Variants in PARL observed in about 807,000 individuals in gnomAD.
The protein encoded by PARL is presenilin associated rhomboid like, also known as presenilin-associated rhomboid-like protein, mitochondrial.
PARL carries 44 observed loss-of-function variants against 51.6 expected under a neutral mutation model. That is an observed-to-expected ratio of 0.85 (90% CI 0.67 to 1.10). PARL has a LOEUF of 1.10. PARL is among the 50% of genes least tolerant of loss of function. The probability of loss-of-function intolerance (pLI) is 0.00; values close to 1 mark genes in which losing one functional copy is unlikely to be tolerated. For synonymous variants in PARL, 172 were observed against 164.0 expected, an observed-to-expected ratio of 1.05 and a Z score of -0.37; for missense variants, 441 against 469.5, an observed-to-expected ratio of 0.94 and a Z score of 0.56.
chr3:183,833,498 A>G lies in PARL; in HGVS notation c.1022T>C (p.Phe341Ser). The G allele has an allele frequency of 1.2e-6, 2 of 1,604,522 alleles. No individual in the cohort carries two copies. Among genetic ancestry groups the G allele is most frequent in the Non-Finnish European group, 1.7e-6 (2 of 1,171,266 alleles). ...CAATTACACTCAAACTTACATTCCA[A>G]AAAGAGCTCCCCCAAGATGTGCCGC... is the stretch of plus-strand genomic sequence containing the variant. The part of the protein sequence containing the change: ...DHAAHLGGAL[F>S]GIWYVTYGHE... The change falls in exon 9 of 10, where the codon TTT (phenylalanine) becomes TCT (serine). Residue 341 changes from phenylalanine to serine, a missense_variant. Physicochemically the swap from Phe to Ser is radical, Grantham distance 155. Transcript: ENST00000317096.
Position 183,878,559 on chromosome 3 carries a change from A to G in PARL, c.125+6163T>C, listed in dbSNP as rs142752452. Among the ~76,000 whole-genome samples, 410 of 152,286 alleles carry G rather than the reference A, an allele frequency of 2.7e-3. 8 individuals carry two copies. The highest frequency in any genetic ancestry group is 0.023 in the Admixed American group (356 of 15,284). On this transcript the variant is annotated intron_variant, in intron 1 of 9. Transcript: ENST00000317096. ...AAGTCCTACACCATGGCTCTACCTC[A>G]TAACAAATGAGAATGTCTAGGAGTG...
chr3:183,828,481 C>T (rs1161740084), downstream of PARL, among the ~76,000 whole-genome samples: 1 of 152,156 alleles, frequency 6.6e-6, no homozygotes, highest in Non-Finnish European at 1.5e-5. Context: ...AGAAGTGATA[C>T]GAGTTTAGAA....
Position 183,868,163 on chromosome 3 carries a change from TCA to T in PARL, c.126-105_126-104del, listed in dbSNP as rs1286406199. On this transcript the variant is annotated intron_variant, in intron 1 of 9. Transcript: ENST00000317096. Reference sequence around the variant, plus strand: ...GCATCATCACCATCTCAATTTATTCTCACTCTACAGTCCAAAAACAGCCAAGA... The same window carrying T: ...GCATCATCACCATCTCAATTTATTCTCTCTACAGTCCAAAAACAGCCAAGA... 3.5e-6 allele frequency: 3 copies of T among 846,364 alleles called. No homozygotes were observed. The Admixed American group carries it at 5.8e-5, about 16-fold the overall frequency. 52.4% of individuals were successfully genotyped at this position (846,364 alleles called of 1,614,324 possible). A position where few individuals can be genotyped will look rare whatever the true frequency, so the allele number is the denominator to read the frequency against.
rs1055778837 is a variant in PARL, at chr3:183,829,435, C to T, written c.*163G>A. 2 of 1,581,422 alleles carry T rather than the reference C, an allele frequency of 1.3e-6. No homozygotes were observed. Among genetic ancestry groups the T allele is most frequent in the Admixed American group, 1.8e-5 (1 of 56,550 alleles). On this transcript the variant is annotated 3_prime_UTR_variant, in exon 10 of 10. Transcript: ENST00000317096. Reference sequence around the variant, plus strand: ...TTTATTTCACAACTTTATCATCATTCACATTCTAAAAAGACACGGACTGGG... The same window carrying T: ...TTTATTTCACAACTTTATCATCATTTACATTCTAAAAAGACACGGACTGGG...
At chr3:183,856,953 A>T (rs1412121410) in intron 4 of PARL, among the ~76,000 whole-genome samples, 1 of 152,272 alleles carries the variant, frequency 6.6e-6, no homozygotes, top group Non-Finnish European at 1.5e-5. Context: ...TCTATATATA[A>T]GGCATTTCAC....
At chr3:183,855,087 C>T (rs745527363) in intron 4 of PARL, among the ~76,000 whole-genome samples, 5 of 151,872 alleles carry the variant, frequency 3.3e-5, no homozygotes, top group Non-Finnish European at 2.9e-5. Context: ...TATGAAATCT[C>T]CAGAAGAGGA....
chr3:183,837,971 G>A (rs1728830662), intron 7 of PARL, among the ~76,000 whole-genome samples: 1 of 151,776 alleles, frequency 6.6e-6, no homozygotes, highest in African/African-American at 2.4e-5. Flanking sequence ...AAATTATCCA[G>A]GATAGTACCA....
intron 9 of PARL, among the ~76,000 whole-genome samples, chr3:183,830,191 C>T (rs1242429159): frequency 6.6e-6 from 1 of 152,226 alleles, no homozygotes; most frequent in East Asian, 1.9e-4. Flanking sequence ...GGGTGGCCCG[C>T]TCATCCAAAC....
chr3:183,881,266 C>T lies in PARL; in HGVS notation c.125+3456G>A, dbSNP rs1381151770. On this transcript the variant is annotated intron_variant, in intron 1 of 9. Transcript: ENST00000317096. ...CCCCCCGAGTAGCTGGGATTACAGG[C>T]CCCTGCCACCGTGCCTGGCTAATTT... Among the ~76,000 whole-genome samples, 5 of 152,168 alleles carry T rather than the reference C, an allele frequency of 3.3e-5. No individual in the cohort carries two copies. The East Asian group carries it at 9.7e-4, about 29-fold the overall frequency.
chr3:183,852,147 ACT>A (rs1730618873), intron 4 of PARL, among the ~76,000 whole-genome samples: 1 of 152,092 alleles, frequency 6.6e-6, no homozygotes. Flanking sequence ...ACAGAGCGAG[ACT>A]CTGTCTCAAA....
chr3:183,866,777 T>C lies in PARL; in HGVS notation c.322-12A>G, dbSNP rs1732533370. ...GCACAGCCTGTAAACTATATAAAAT[T>C]AGATATATTACAAAATAGATTTAAG... On this transcript the variant is annotated splice_polypyrimidine_tract_variant and intron_variant, in intron 2 of 9. Coordinates refer to ENST00000317096, the MANE Select transcript of PARL (RefSeq NM_018622.7). 1.3e-6 allele frequency: 2 copies of C among 1,551,470 alleles called. No homozygotes were observed. The highest frequency in any genetic ancestry group is 1.8e-6 in the Non-Finnish European group (2 of 1,124,620).
intron 5 of PARL, among the ~76,000 whole-genome samples, chr3:183,842,650 A>G (rs1729464046): frequency 6.6e-6 from 1 of 151,742 alleles, no homozygotes; most frequent in African/African-American, 2.4e-5. Context: ...TCTATTAAAA[A>G]TATAAAAATT....
intron 7 of PARL, among the ~76,000 whole-genome samples, chr3:183,839,050 C>T (rs147795263): frequency 3.9e-5 from 6 of 151,906 alleles, no homozygotes; most frequent in African/African-American, 7.3e-5. Flanking sequence ...CAATATGATT[C>T]GAAATATATA....
chr3:183,827,015 G>A (rs1054778911), downstream of PARL, among the ~76,000 whole-genome samples: 1 of 152,184 alleles, frequency 6.6e-6, no homozygotes, highest in Non-Finnish European at 1.5e-5. Flanking sequence ...GCATGAGAGG[G>A]AGGCAGGCTG....
chr3:183,827,749 CG>C (rs146611563), downstream of PARL, among the ~76,000 whole-genome samples: 6 of 151,830 alleles, frequency 4.0e-5, no homozygotes, highest in Admixed American at 2.6e-4. Flanking sequence ...CTGTGCAGGG[CG>C]GGGGGGTGGT....
At chr3:183,861,859 T>C (rs1731870829) in intron 4 of PARL, among the ~76,000 whole-genome samples, 1 of 152,180 alleles carries the variant, frequency 6.6e-6, no homozygotes, top group Non-Finnish European at 1.5e-5. Context: ...CACTGCAACC[T>C]CTGCCTCCCA....
chr3:183,867,570 AG>A (rs1431498044), intron 2 of PARL, among the ~76,000 whole-genome samples: 2 of 151,982 alleles, frequency 1.3e-5, no homozygotes, highest in African/African-American at 4.8e-5. Context: ...CGTGGTGGCC[AG>A]TGCCTACAGT....
At chr3:183,842,839 C>CAAATT (rs113722749) in intron 5 of PARL, among the ~76,000 whole-genome samples, 84,385 of 121,884 alleles carry the variant, frequency 0.69, 29,708 homozygotes, top group East Asian at 0.87. Flanking sequence ...ATTTATGAAA[C>CAAATT]AAACATGGAA....
chr3:183,844,440 G>C, intron 4 of PARL, 114 bp from the exon 5 acceptor site: 3 of 733,844 alleles, frequency 4.1e-6, no homozygotes, highest in Non-Finnish European at 7.2e-6. Context: ...CTGTATACCT[G>C]GGGGATAGGG....
Sources: allele counts gnomAD v4.1 joint callset (sites outside exome capture counted in the v4.1 genomes callset), GRCh38; gene constraint gnomAD v4.1.1; transcripts MANE v1.5; gene names NCBI Gene and HGNC (gene_info 2026-07-23, HGNC 2026-07-21).